Variants in SLC2A12 observed in about 807,000 individuals in gnomAD.
SLC2A12 encodes solute carrier family 2 member 12.
A neutral mutation model predicts 41.8 loss-of-function variants in SLC2A12; 23 were observed. That is an observed-to-expected ratio of 0.55 (90% CI 0.40 to 0.78). SLC2A12 has a LOEUF of 0.78. Among genes scored for constraint, SLC2A12 ranks in the 30% least tolerant of loss-of-function variants. The probability of loss-of-function intolerance (pLI) is 0.00; values close to 1 mark genes in which losing one functional copy is unlikely to be tolerated. For missense variants in SLC2A12, 654 were observed against 745.6 expected (o/e 0.88, Z 1.43); for synonymous variants, 295 against 285.9 (o/e 1.03, Z -0.32).
intron 1 of SLC2A12, among the ~76,000 whole-genome samples, chr6:134,040,129 T>G (rs531489092): frequency 6.6e-6 from 1 of 151,236 alleles, no homozygotes; most frequent in East Asian, 1.9e-4. Flanking sequence ...CAGGCTGGAG[T>G]GCAGTGGTGC....
At chr6:133,994,926 A>G (rs1776668781) in intron 4 of SLC2A12, among the ~76,000 whole-genome samples, 2 of 152,212 alleles carry the variant, frequency 1.3e-5, no homozygotes, top group African/African-American at 4.8e-5. Context: ...TCCCCAGCCA[A>G]GAGCACTATC....
chr6:133,999,562 C>T (rs1307472834), intron 4 of SLC2A12, among the ~76,000 whole-genome samples: 1 of 152,142 alleles, frequency 6.6e-6, no homozygotes, highest in Non-Finnish European at 1.5e-5. Context: ...TGGAAAGTTG[C>T]CCTGAGTTTG....
Position 134,029,354 on chromosome 6 carries a change from C to T in SLC2A12, c.471G>A (p.Glu157=). Residue 157 remains glutamate, a synonymous_variant, in exon 2 of 5, where the codon GAG becomes GAA. Coordinates refer to ENST00000275230, the MANE Select transcript of SLC2A12 (RefSeq NM_145176.3). ...SSIATCVYIA[E]IAPQHRRGLL... is the part of the protein sequence containing the mutation. ...GGCCTCTTCTGTGTTGAGGAGCAAT[C>T]TCTGCGATGTAAACACAAGTGGCAA... 1 of 1,614,168 alleles carries T rather than the reference C, an allele frequency of 6.2e-7. No homozygotes were observed. Among genetic ancestry groups the T allele is most frequent in the Non-Finnish European group, 8.5e-7 (1 of 1,180,036 alleles).
At chr6:134,051,327 G>A (rs1381472843) in intron 1 of SLC2A12, among the ~76,000 whole-genome samples, 1 of 152,134 alleles carries the variant, frequency 6.6e-6, no homozygotes, top group Non-Finnish European at 1.5e-5. Flanking sequence ...CTCGATGTTA[G>A]GGGTCACAGG....
At chr6:134,025,671 G>T (rs1777103725) in intron 2 of SLC2A12, among the ~76,000 whole-genome samples, 2 of 152,100 alleles carry the variant, frequency 1.3e-5, no homozygotes, top group African/African-American at 4.8e-5. Flanking sequence ...TCAGCCTCCT[G>T]GGTAGCTGGG....
At chr6:134,022,559 A>C (rs1471285776) in intron 2 of SLC2A12, among the ~76,000 whole-genome samples, 3 of 81,992 alleles carry the variant, frequency 3.7e-5, no homozygotes, top group African/African-American at 7.1e-5. Flanking sequence ...AAAAGAAAAG[A>C]AAAGAAAAGA....
At chr6:134,009,178 C>T (rs1222312366) in intron 2 of SLC2A12, 1 of 151,518 alleles carries the variant, frequency 6.6e-6, no homozygotes, top group Non-Finnish European at 1.5e-5. Flanking sequence ...CTGCCAGGGG[C>T]TTGTCTAGAA....
intron 2 of SLC2A12, among the ~76,000 whole-genome samples, chr6:134,009,926 A>C (rs1776858952): frequency 6.6e-6 from 1 of 152,202 alleles, no homozygotes; most frequent in Non-Finnish European, 1.5e-5. Flanking sequence ...GAGAAAGGGA[A>C]ATACAAATCT....
At chr6:133,994,479 G>A (rs1776659092) in intron 4 of SLC2A12, among the ~76,000 whole-genome samples, 1 of 152,178 alleles carries the variant, frequency 6.6e-6, no homozygotes, top group Non-Finnish European at 1.5e-5. Flanking sequence ...TGTAATCCCA[G>A]CACTTTAGGA....
intron 4 of SLC2A12, among the ~76,000 whole-genome samples, chr6:134,001,245 G>A (rs1198775512): frequency 6.6e-6 from 1 of 152,064 alleles, no homozygotes; most frequent in African/African-American, 2.4e-5. Flanking sequence ...AAAATCTCAC[G>A]ATCGCCACTA....
rs1279142415 is a variant in SLC2A12 at position 134,002,096 on chromosome 6, T to C, written c.1601A>G (p.Tyr534Cys). The C allele has an allele frequency of 1.3e-6, 2 of 1,598,922 alleles. No individual in the cohort carries two copies. Among genetic ancestry groups the C allele is most frequent in the East Asian group, 2.3e-5 (1 of 44,326 alleles). Reference protein sequence around the residue: ...LIGLPWVCFIYTIMSLASLLF... With the variant: ...LIGLPWVCFICTIMSLASLLF... ...CAGGGATGCTAGACTCATGATTGTATATATAAAGCACACCCATGGCAGGCC... is the reference window on the plus strand; with the variant it reads ...CAGGGATGCTAGACTCATGATTGTACATATAAAGCACACCCATGGCAGGCC... Residue 534 changes from tyrosine to cysteine, a missense_variant, in exon 4 of 5, where the codon TAT (tyrosine) becomes TGT (cysteine). Tyr to Cys is a radical substitution (Grantham distance 194, BLOSUM62 -2). Around this residue, in one of 3 missense-constraint regions of SLC2A12, gnomAD observed 134 missense variants for 180.5 expected, o/e 0.74. Coordinates refer to ENST00000275230, the MANE Select transcript of SLC2A12 (RefSeq NM_145176.3).
At chr6:134,029,837 A>C in intron 1 of SLC2A12, 116 bp from the exon 2 acceptor site, 1 of 1,239,692 alleles carries the variant, frequency 8.1e-7, no homozygotes, top group Non-Finnish European at 1.1e-6. Context: ...GTTTAAACGA[A>C]CACACAATTA....
intron 4 of SLC2A12, among the ~76,000 whole-genome samples, chr6:133,995,455 T>C (rs1375026665): frequency 6.6e-6 from 1 of 152,062 alleles, no homozygotes; most frequent in Non-Finnish European, 1.5e-5. Context: ...GTCCATTTTC[T>C]CAGTGAAGTC....
chr6:134,022,612 C>A (rs1455376214), intron 2 of SLC2A12, among the ~76,000 whole-genome samples: 2 of 151,986 alleles, frequency 1.3e-5, no homozygotes, highest in South Asian at 2.1e-4. Context: ...TGCCCCAGAT[C>A]ATTTCTAATC....
intron 4 of SLC2A12, among the ~76,000 whole-genome samples, chr6:133,996,614 T>G (rs1397837912): frequency 6.6e-6 from 1 of 152,200 alleles, no homozygotes; most frequent in Non-Finnish European, 1.5e-5. Flanking sequence ...TTCTTAGAAA[T>G]AGACATTGGG....
In SLC2A12 at chr6:133,994,090, C is replaced by T. The variant is rs34468080; in HGVS notation, c.1701-2782G>A. On this transcript the variant is annotated intron_variant, in intron 4 of 4. Coordinates refer to ENST00000275230, the MANE Select transcript of SLC2A12 (RefSeq NM_145176.3). ...ATTCAGGATGGAGATCATGGTGACT[C>T]AGACCAGGGCAGCCGTGAAGGTGTT... 4.3e-4 allele frequency among the ~76,000 whole-genome samples: 65 copies of T among 152,296 alleles called. No homozygotes were observed. The Middle Eastern group carries it at 0.01, about 24-fold the overall frequency.
At chr6:134,022,532 A>AG (rs1777054679) in intron 2 of SLC2A12, among the ~76,000 whole-genome samples, 1 of 130,692 alleles carries the variant, frequency 7.7e-6, no homozygotes, top group South Asian at 2.5e-4. Flanking sequence ...ACTCCATCTC[A>AG]AAAAAGAAAA....
chr6:134,027,726 G>A (rs138555689), intron 2 of SLC2A12, among the ~76,000 whole-genome samples: 31 of 152,250 alleles, frequency 2.0e-4, no homozygotes, highest in Non-Finnish European at 3.5e-4. Context: ...CAAGAGAGGT[G>A]TTTATACTTT....
intron 2 of SLC2A12, among the ~76,000 whole-genome samples, chr6:134,027,051 C>T (rs1018117121): frequency 3.9e-5 from 6 of 152,190 alleles, no homozygotes; most frequent in Non-Finnish European, 7.3e-5. Flanking sequence ...GCAGGCCAAA[C>T]CTGCTGGTTG....
Sources: gnomAD v4.1 joint callset for allele counts (sites outside exome capture counted in the v4.1 genomes callset) on GRCh38, gnomAD v4.1.1 for gene constraint, gnomAD v4.1.1 regional missense constraint, MANE v1.5 for transcripts, NCBI Gene and HGNC (gene_info 2026-07-23, HGNC 2026-07-21) for gene names.